Variants in KIAA1549 observed in about 807,000 individuals in gnomAD.
KIAA1549 encodes UPF0606 protein KIAA1549.
KIAA1549 carries 70 observed loss-of-function variants against 156.4 expected under a neutral mutation model. The ratio of observed to expected loss-of-function variants is 0.45; its 90% CI spans 0.37 to 0.55. KIAA1549 has a LOEUF of 0.55. Ranked by LOEUF, KIAA1549 falls within the 20% of genes least tolerant of loss-of-function variation. The pLI is 0.00. For synonymous variants in KIAA1549, 1,103 were observed against 1,066.4 expected, an observed-to-expected ratio of 1.03 and a Z score of -0.67; for missense variants, 2,428 against 2,540.9, an observed-to-expected ratio of 0.96 and a Z score of 0.96.
At chr7:138,902,187 A>T (rs1432590033) in intron 8 of KIAA1549, among the ~76,000 whole-genome samples, 1 of 152,224 alleles carries the variant, frequency 6.6e-6, no homozygotes, top group African/African-American at 2.4e-5. Context: ...GAACTATTTT[A>T]GAAACCTAAG....
rs881789 is a variant in KIAA1549 at position 138,833,230 on chromosome 7, G to C, written c.*4676C>G. Reference sequence around the variant, plus strand: ...GTCCTCCTTCCCCTGTGCCCAAAACGTTACCCAGCTTTCCTTCCAAACGAC... The same window carrying C: ...GTCCTCCTTCCCCTGTGCCCAAAACCTTACCCAGCTTTCCTTCCAAACGAC... On this transcript the variant is annotated 3_prime_UTR_variant, in exon 20 of 20. Coordinates refer to ENST00000422774, the MANE Select transcript of KIAA1549 (RefSeq NM_001164665.2). The C allele has an allele frequency of 0.38, 87,296 of 232,236 alleles. 18,251 individuals are homozygous for C. Among genetic ancestry groups the C allele is most frequent in the African/African-American group, 0.61 (27,421 of 45,310 alleles). 14.4% of individuals were successfully genotyped at this position (232,236 alleles called of 1,614,324 possible).
intron 10 of KIAA1549, among the ~76,000 whole-genome samples, chr7:138,883,227 C>T (rs902850571): frequency 2.7e-5 from 4 of 146,748 alleles, no homozygotes; most frequent in East Asian, 2.0e-4. Flanking sequence ...AAACTGAGAT[C>T]GCGCCACTGC....
chr7:138,962,362 G>A (rs989869008), intron 1 of KIAA1549, among the ~76,000 whole-genome samples: 1 of 152,148 alleles, frequency 6.6e-6, no homozygotes, highest in South Asian at 2.1e-4. Context: ...CACCATCAAT[G>A]TCAATGTCTA....
chr7:138,858,922 C>T (rs1005319041), intron 16 of KIAA1549, among the ~76,000 whole-genome samples: 4 of 151,672 alleles, frequency 2.6e-5, no homozygotes, highest in South Asian at 2.1e-4. Flanking sequence ...AGGAGAATGG[C>T]GTGAACCCGG....
chr7:138,885,613 G>T (rs547706864), intron 10 of KIAA1549, among the ~76,000 whole-genome samples: 15 of 152,238 alleles, frequency 9.9e-5, no homozygotes, highest in Non-Finnish European at 1.8e-4. Context: ...TAATCTGACC[G>T]CCTTGGGCCA....
At chr7:138,952,566 G>A (rs567865092) in intron 1 of KIAA1549, among the ~76,000 whole-genome samples, 2 of 152,356 alleles carry the variant, frequency 1.3e-5, no homozygotes, top group South Asian at 2.1e-4. Context: ...CACAGTAGGA[G>A]CTGTGAAGGG....
chr7:138,957,656 T>G (rs763032229), intron 1 of KIAA1549, among the ~76,000 whole-genome samples: 5 of 152,072 alleles, frequency 3.3e-5, no homozygotes, highest in African/African-American at 4.8e-5. Context: ...TCTTGTATTT[T>G]TAGTAGAGAC....
intron 1 of KIAA1549, among the ~76,000 whole-genome samples, chr7:138,968,443 A>G (rs907352623): frequency 6.6e-5 from 10 of 152,248 alleles, no homozygotes; most frequent in Non-Finnish European, 7.3e-5. Context: ...AAGGCAATTC[A>G]TTGCAGCAGC....
In KIAA1549 at chr7:138,858,803, C is replaced by T. The variant is rs537818400; in HGVS notation, c.5247+2336G>A. Among the ~76,000 whole-genome samples the T allele has an allele frequency of 4.6e-5, 7 of 152,018 alleles. No homozygotes were observed. The East Asian group carries it at 1.2e-3, about 25-fold the overall frequency. On this transcript the variant is annotated intron_variant, in intron 16 of 19. Coordinates refer to ENST00000422774, the MANE Select transcript of KIAA1549 (RefSeq NM_001164665.2). ...CAGGCAGATCACGAGGTCAGGAGAT[C>T]GAGACCATCCTGGCTACATGGTGAA...
In KIAA1549 at chr7:138,921,079, G is replaced by A. The variant is rs150926305; in HGVS notation, c.188-1641C>T. Among the ~76,000 whole-genome samples, 312 of 152,276 alleles carry A rather than the reference G, an allele frequency of 2.0e-3. 8 individuals carry two copies. The highest frequency in any genetic ancestry group is 0.013 in the East Asian group (67 of 5,182). ...GCTGGCCTGTTGTTTAGGCCACAACGGAGATGAGGGACAAGTGTTAGCCTA... is the reference window on the plus strand; with the variant it reads ...GCTGGCCTGTTGTTTAGGCCACAACAGAGATGAGGGACAAGTGTTAGCCTA... On this transcript the variant is annotated intron_variant, in intron 1 of 19. Transcript: ENST00000422774.
intron 10 of KIAA1549, 122 bp from the exon 11 acceptor site, chr7:138,881,706 T>G: frequency 1.2e-6 from 1 of 811,922 alleles, no homozygotes; most frequent in Non-Finnish European, 1.9e-6. Flanking sequence ...CAAGCATCGC[T>G]AGAACATGGA....
At chr7:138,971,655 C>A (rs1166732114) in intron 1 of KIAA1549, among the ~76,000 whole-genome samples, 1 of 152,156 alleles carries the variant, frequency 6.6e-6, no homozygotes, top group Admixed American at 6.5e-5. Context: ...ACAACAAAAC[C>A]CACCCCCTAG....
At chr7:138,879,976 C>T (rs1563060551) in intron 11 of KIAA1549, among the ~76,000 whole-genome samples, 1 of 152,194 alleles carries the variant, frequency 6.6e-6, no homozygotes, top group Non-Finnish European at 1.5e-5. Context: ...TTTTCTGGAC[C>T]AGCAGTCTGG....
At chr7:138,914,766 G>A (rs1324830705) in intron 2 of KIAA1549, among the ~76,000 whole-genome samples, 1 of 152,192 alleles carries the variant, frequency 6.6e-6, no homozygotes, top group African/African-American at 2.4e-5. Context: ...AACTGTTCAA[G>A]TGTACTTAAC....
intron 16 of KIAA1549, among the ~76,000 whole-genome samples, chr7:138,860,055 T>C (rs1563052303): frequency 6.6e-6 from 1 of 152,232 alleles, no homozygotes; most frequent in Non-Finnish European, 1.5e-5. Flanking sequence ...AATAAGCAAA[T>C]GAGAAAACTT....
Position 138,833,154 on chromosome 7 carries a change from C to T in KIAA1549, c.*4752G>A, listed in dbSNP as rs1347508771. On this transcript the variant is annotated 3_prime_UTR_variant, in exon 20 of 20. Transcript: ENST00000422774. ...ACCTTGCTCCGGAGGTAGAAATGACCACGGTGAAAACTCCACTTGAGCTAA... is the reference window on the plus strand; with the variant it reads ...ACCTTGCTCCGGAGGTAGAAATGACTACGGTGAAAACTCCACTTGAGCTAA... 4.3e-6 allele frequency: 1 copy of T among 232,370 alleles called. No homozygotes were observed. The highest frequency in any genetic ancestry group is 2.2e-5 in the African/African-American group (1 of 45,302). The allele number at this position is 232,370 out of a possible 1,614,324, so 14.4% of individuals were successfully genotyped here.
Position 138,947,917 on chromosome 7 carries a change from G to A in KIAA1549, c.188-28479C>T, listed in dbSNP as rs532251711. Among the ~76,000 whole-genome samples, 12 of 151,960 alleles carry A rather than the reference G, an allele frequency of 7.9e-5. No individual in the cohort carries two copies. The South Asian group carries it at 1.9e-3, about 24-fold the overall frequency. On this transcript the variant is annotated intron_variant, in intron 1 of 19. Coordinates refer to ENST00000422774, the MANE Select transcript of KIAA1549 (RefSeq NM_001164665.2). ...AGCTGGGACTATAGGCATGCACCAC[G>A]AAGCCAAGCTAATTTTCATATTTTT...
Position 138,833,760 on chromosome 7 carries a change from T to C in KIAA1549, c.*4146A>G. Reference sequence around the variant, plus strand: ...GCTGCTTGAGATCTGCTCTAAACAATGACCTCAGTGTCATTCTCATCATTT... The same window carrying C: ...GCTGCTTGAGATCTGCTCTAAACAACGACCTCAGTGTCATTCTCATCATTT... On this transcript the variant is annotated 3_prime_UTR_variant, in exon 20 of 20. Transcript: ENST00000422774. The C allele has an allele frequency of 4.3e-6, 1 of 233,022 alleles. No homozygotes were observed. The highest frequency in any genetic ancestry group is 5.6e-5 in the Admixed American group (1 of 17,778). The allele number at this position is 233,022 out of a possible 1,614,324, so 14.4% of individuals were successfully genotyped here.
At chr7:138,972,580 C>T (rs1299149526) in intron 1 of KIAA1549, among the ~76,000 whole-genome samples, 1 of 152,016 alleles carries the variant, frequency 6.6e-6, no homozygotes, top group African/African-American at 2.4e-5. Flanking sequence ...CACACTGGAA[C>T]GTCAAGTGCT....
Sources: allele counts gnomAD v4.1 joint callset (sites outside exome capture counted in the v4.1 genomes callset), GRCh38; gene constraint gnomAD v4.1.1; transcripts MANE v1.5; gene names NCBI Gene and HGNC (gene_info 2026-07-23, HGNC 2026-07-21).